NHSL1: variants seen among roughly 807,000 people sequenced by gnomAD.
NHSL1 encodes NHS like 1.
A neutral mutation model predicts 95.0 loss-of-function variants in NHSL1; 48 were observed. That is an observed-to-expected ratio of 0.51 (90% CI 0.40 to 0.64). NHSL1 has a LOEUF of 0.64. Ranked by LOEUF, NHSL1 falls within the 30% of genes least tolerant of loss-of-function variation. The pLI, the probability that NHSL1 is intolerant of heterozygous loss-of-function variation, is 0.00. For synonymous variants in NHSL1, 783 were observed against 833.9 expected, an observed-to-expected ratio of 0.94 and a Z score of 1.05; for missense variants, 1,971 against 2,077.7, an observed-to-expected ratio of 0.95 and a Z score of 1.00.
At chr6:138,537,621 A>G (rs1782412002) in intron 1 of NHSL1, among the ~76,000 whole-genome samples, 2 of 152,212 alleles carry the variant, frequency 1.3e-5, no homozygotes, top group African/African-American at 4.8e-5. Flanking sequence ...TTTATTAGGC[A>G]GATCCATTCT....
intron 3 of NHSL1, among the ~76,000 whole-genome samples, chr6:138,455,507 A>ATGCTTCCTGCAAGGAGCCCCGCCTTCG (rs1777539739): frequency 1.4e-5 from 1 of 72,684 alleles, no homozygotes; most frequent in South Asian, 3.3e-4. Flanking sequence ...CCCCGCCTTC[A>ATGCTTCCTGCAAGGAGCCCCGCCTTCG]CATGCTCCCT....
Position 138,473,311 on chromosome 6 carries a change from G to A in NHSL1, c.334C>T (p.Gln112Ter). 1 of 1,541,580 alleles carries A rather than the reference G, an allele frequency of 6.5e-7. No homozygotes were observed. Among genetic ancestry groups the A allele is most frequent in the Non-Finnish European group, 8.7e-7 (1 of 1,143,318 alleles). Residue 112 changes from glutamine (Q) to a stop codon, truncating the protein, a stop_gained, in exon 3 of 8, where the codon CAA becomes TAA. Transcript: ENST00000343505. LOFTEE classifies it high-confidence loss of function. ...TGTTGAACTTTGAAGCTTACCTTTT[G>A]ATCTGTTTCTTCATCTTCATCTTGG... ...DYQDEDEETD[Q>*]KCSLSSSEEE...
chr6:138,483,873 T>C (rs1779569612), intron 2 of NHSL1, among the ~76,000 whole-genome samples: 1 of 152,202 alleles, frequency 6.6e-6, no homozygotes, highest in Admixed American at 6.5e-5. Flanking sequence ...AGTAGCGTGC[T>C]TGAAGGGGTA....
At chr6:138,579,911 A>T (rs1784027273) in intron 1 of NHSL1, among the ~76,000 whole-genome samples, 1 of 152,238 alleles carries the variant, frequency 6.6e-6, no homozygotes, top group African/African-American at 2.4e-5. Flanking sequence ...CTATCAATTC[A>T]GCCTACTTTT....
chr6:138,485,742 G>A (rs1396732753), intron 2 of NHSL1, among the ~76,000 whole-genome samples: 1 of 151,890 alleles, frequency 6.6e-6, no homozygotes, highest in Non-Finnish European at 1.5e-5. Context: ...TTCTCAATAG[G>A]GCATTTAATC....
At chr6:138,501,474 G>A (rs1031624549), upstream of NHSL1, among the ~76,000 whole-genome samples, 2 of 152,182 alleles carry the variant, frequency 1.3e-5, no homozygotes, top group Non-Finnish European at 2.9e-5. Flanking sequence ...AGGAGTCAGG[G>A]TGGTCCTCGT....
intron 1 of NHSL1, among the ~76,000 whole-genome samples, chr6:138,689,037 T>G (rs1251941148): frequency 6.6e-6 from 1 of 152,206 alleles, no homozygotes; most frequent in African/African-American, 2.4e-5. Flanking sequence ...CAGGCTAGTC[T>G]TGAGCTCCTG....
chr6:138,533,031 T>C (rs955893660), intron 1 of NHSL1, among the ~76,000 whole-genome samples: 1 of 152,222 alleles, frequency 6.6e-6, no homozygotes, highest in Non-Finnish European at 1.5e-5. Context: ...AGAGTACCTC[T>C]AGGTGCACTC....
chr6:138,437,025 A>G (rs113168152), intron 5 of NHSL1, among the ~76,000 whole-genome samples: 1,972 of 152,150 alleles, frequency 0.013, 36 homozygotes, highest in African/African-American at 0.045. Context: ...TAATCCCAAC[A>G]CTTTGGGAGG....
chr6:138,562,144 G>A (rs1244473777), intron 1 of NHSL1, among the ~76,000 whole-genome samples: 1 of 152,128 alleles, frequency 6.6e-6, no homozygotes, highest in East Asian at 1.9e-4. Flanking sequence ...CAGTGTGTAT[G>A]TTGATTACAC....
At chr6:138,553,018 T>G (rs1439746845) in intron 1 of NHSL1, among the ~76,000 whole-genome samples, 1 of 152,080 alleles carries the variant, frequency 6.6e-6, no homozygotes, top group Non-Finnish European at 1.5e-5. Context: ...CCTTCACACC[T>G]ATTACATCTT....
In NHSL1 at chr6:138,689,804, A is replaced by G. The variant is rs148409334; in HGVS notation, c.96+2672T>C. 8.0e-3 allele frequency among the ~76,000 whole-genome samples: 1,204 copies of G among 151,282 alleles called. 15 individuals are homozygous for G. The highest frequency in any genetic ancestry group is 0.028 in the African/African-American group (1,148 of 41,194). On this transcript the variant is annotated intron_variant, in intron 1 of 3. Coordinates refer to the NHSL1 transcript ENST00000491526. ...TCCACACCTTTTTTTTTTTTGAGACAGTCTCGCTAATTTTTGTATTTTTGG... is the reference window on the plus strand; with the variant it reads ...TCCACACCTTTTTTTTTTTTGAGACGGTCTCGCTAATTTTTGTATTTTTGG...
intron 3 of NHSL1, chr6:138,470,413 C>A (rs1395759634): frequency 6.6e-6 from 1 of 152,210 alleles, no homozygotes; most frequent in African/African-American, 2.4e-5. Flanking sequence ...CCTTAGCCTC[C>A]CGAGTAGGTG....
upstream of NHSL1, among the ~76,000 whole-genome samples, chr6:138,549,246 A>G (rs1369670461): frequency 6.6e-6 from 1 of 152,130 alleles, no homozygotes; most frequent in Non-Finnish European, 1.5e-5. Flanking sequence ...AGCCAGGCGT[A>G]GTGGCGCATG....
At chr6:138,621,629 C>T (rs1484782827) in intron 1 of NHSL1, among the ~76,000 whole-genome samples, 2 of 152,066 alleles carry the variant, frequency 1.3e-5, no homozygotes, top group African/African-American at 2.4e-5. Context: ...TGTGCCACCA[C>T]GACCAGCTAA....
chr6:138,653,001 A>T (rs1182822552), intron 1 of NHSL1, among the ~76,000 whole-genome samples: 2 of 152,214 alleles, frequency 1.3e-5, no homozygotes, highest in Non-Finnish European at 2.9e-5. Context: ...ACTTGTGCCC[A>T]CTCACAGGGA....
Position 138,429,857 on chromosome 6 carries a change from G to A in NHSL1, c.3953-14C>T. On this transcript the variant is annotated splice_polypyrimidine_tract_variant and intron_variant, in intron 6 of 7. Coordinates refer to ENST00000343505, the MANE Select transcript of NHSL1 (RefSeq NM_001144060.2). ...CCGGCACCCCAGCTACAGAAGAGCA[G>A]GCAGGCATACAAGACGCACAAGTGA... is the stretch of plus-strand genomic sequence containing the variant. 1 of 1,548,166 alleles carries A rather than the reference G, an allele frequency of 6.5e-7. No individual in the cohort carries two copies. Among genetic ancestry groups the A allele is most frequent in the Non-Finnish European group, 8.7e-7 (1 of 1,145,754 alleles).
intron 1 of NHSL1, among the ~76,000 whole-genome samples, chr6:138,544,169 T>C (rs140244901): frequency 1.5e-4 from 23 of 152,302 alleles, no homozygotes; most frequent in African/African-American, 5.5e-4. Context: ...TGATTTCAAC[T>C]GCACTGTGGA....
chr6:138,649,426 CA>C lies in NHSL1; in HGVS notation c.96+43049del, dbSNP rs200672360. ...CCTTATTTCCTTCTATAAAGCCATC[CA>C]AAAAAAAAAACCAGGGAATTCTATT... is the stretch of plus-strand genomic sequence containing the variant. On this transcript the variant is annotated intron_variant, in intron 1 of 3. Transcript: ENST00000491526. Among the ~76,000 whole-genome samples, 989 of 141,814 alleles carry C rather than the reference CA, an allele frequency of 7.0e-3. 17 individuals carry two copies. Among genetic ancestry groups the C allele is most frequent in the African/African-American group, 0.024 (912 of 38,530 alleles). 93.0% of individuals were successfully genotyped at this position (141,814 alleles called of 152,430 possible). A position where few individuals can be genotyped will look rare whatever the true frequency, so the allele number is the denominator to read the frequency against.
Sources: allele counts gnomAD v4.1 joint callset (sites outside exome capture counted in the v4.1 genomes callset), GRCh38; gene constraint gnomAD v4.1.1; transcripts MANE v1.5; gene names NCBI Gene and HGNC (gene_info 2026-07-23, HGNC 2026-07-21).